CACNA2D3: variants seen among roughly 807,000 people sequenced by gnomAD.
The protein encoded by CACNA2D3 is voltage-dependent calcium channel subunit alpha-2/delta-3.
Under a neutral mutation model 160.6 loss-of-function variants are expected in CACNA2D3, and 60 were observed. That is an observed-to-expected ratio of 0.37 (90% CI 0.30 to 0.46). The LOEUF is 0.46. Ranked by LOEUF, CACNA2D3 falls within the 20% of genes least tolerant of loss-of-function variation. CACNA2D3 has a pLI of 1.00. For missense variants in CACNA2D3, 1,205 were observed against 1,365.0 expected (o/e 0.88, Z 1.85); for synonymous variants, 558 against 492.9 (o/e 1.13, Z -1.75).
chr3:54,183,310 G>A (rs1700817899), intron 2 of CACNA2D3, among the ~76,000 whole-genome samples: 6 of 151,532 alleles, frequency 4.0e-5, no homozygotes, highest in East Asian at 1.9e-4. Flanking sequence ...GGTTGATAGG[G>A]TTTTAGTGTT....
chr3:54,145,267 C>A (rs1432434617), intron 2 of CACNA2D3, among the ~76,000 whole-genome samples: 1 of 152,178 alleles, frequency 6.6e-6, no homozygotes, highest in Non-Finnish European at 1.5e-5. Flanking sequence ...GGGGTCTAAA[C>A]CCCGGAGTAA....
At chr3:54,279,894 A>G (rs1398043557) in intron 2 of CACNA2D3, among the ~76,000 whole-genome samples, 1 of 152,150 alleles carries the variant, frequency 6.6e-6, no homozygotes, top group Non-Finnish European at 1.5e-5. Context: ...TCTAGCCTGC[A>G]GCATCATTTT....
intron 14 of CACNA2D3, among the ~76,000 whole-genome samples, chr3:54,835,830 G>C (rs1698664873): frequency 6.6e-6 from 1 of 152,198 alleles, no homozygotes; most frequent in East Asian, 1.9e-4. Context: ...CTACTTACTA[G>C]CTGTGTGACC....
At chr3:54,124,167 C>T (rs1699541066) in intron 2 of CACNA2D3, among the ~76,000 whole-genome samples, 1 of 152,198 alleles carries the variant, frequency 6.6e-6, no homozygotes, top group South Asian at 2.1e-4. Context: ...GGGTAATAAC[C>T]TATGAGAGTA....
At chr3:54,710,727 A>G (rs928180187) in intron 11 of CACNA2D3, among the ~76,000 whole-genome samples, 5 of 152,212 alleles carry the variant, frequency 3.3e-5, no homozygotes, top group African/African-American at 9.6e-5. Flanking sequence ...CCCTATAGAA[A>G]TGATTTTTAA....
intron 11 of CACNA2D3, among the ~76,000 whole-genome samples, chr3:54,656,238 CAAA>C (rs1699872940): frequency 6.6e-6 from 1 of 152,212 alleles, no homozygotes; most frequent in Non-Finnish European, 1.5e-5. Flanking sequence ...GATTGGTTTT[CAAA>C]GCACTTAATT....
At chr3:54,794,741 G>T (rs1001446653) in intron 13 of CACNA2D3, among the ~76,000 whole-genome samples, 1 of 151,612 alleles carries the variant, frequency 6.6e-6, no homozygotes, top group Non-Finnish European at 1.5e-5. Context: ...CATTTGGCTT[G>T]TATTCTTTTT....
intron 2 of CACNA2D3, among the ~76,000 whole-genome samples, chr3:54,262,034 G>T (rs532701200): frequency 1.3e-5 from 2 of 152,224 alleles, no homozygotes; most frequent in South Asian, 4.1e-4. Context: ...AGGGGTTTTG[G>T]GGGAGGGAGC....
intron 35 of CACNA2D3, among the ~76,000 whole-genome samples, chr3:55,063,772 G>A (rs1222443153): frequency 6.6e-6 from 1 of 152,164 alleles, no homozygotes; most frequent in East Asian, 1.9e-4. Flanking sequence ...GAGGGATGGG[G>A]TGTCAGCCTT....
chr3:54,551,048 A>G (rs753960040), intron 5 of CACNA2D3, among the ~76,000 whole-genome samples: 2 of 152,190 alleles, frequency 1.3e-5, no homozygotes, highest in Non-Finnish European at 2.9e-5. Context: ...ATGGCAAAGG[A>G]GGAATCCACT....
chr3:54,645,981 C>A (rs1041523611), intron 11 of CACNA2D3, among the ~76,000 whole-genome samples: 1 of 151,924 alleles, frequency 6.6e-6, no homozygotes, highest in Admixed American at 6.6e-5. Context: ...ATCTCTTTAC[C>A]TTCTGTGTGG....
chr3:54,664,884 T>C (rs777130186), intron 11 of CACNA2D3, among the ~76,000 whole-genome samples: 10 of 152,200 alleles, frequency 6.6e-5, no homozygotes, highest in Non-Finnish European at 1.0e-4. Flanking sequence ...GGGCTTTAGC[T>C]GGAACCCCTG....
At chr3:54,894,817 T>A (rs1407306207) in intron 25 of CACNA2D3, 1 of 382,066 alleles carries the variant, frequency 2.6e-6, no homozygotes, top group Non-Finnish European at 5.2e-6. Flanking sequence ...ACTTTTAGAT[T>A]AGGAAACATT....
intron 27 of CACNA2D3, among the ~76,000 whole-genome samples, chr3:54,905,478 G>A (rs574517284): frequency 9.2e-5 from 14 of 152,208 alleles, no homozygotes; most frequent in Non-Finnish European, 1.9e-4. Context: ...TATTTGGTAT[G>A]TAGGAGTTAA....
rs1703369336 is a variant in CACNA2D3, at chr3:55,018,186, T to A, written c.2876-20T>A. 13 of 1,532,908 alleles carry A rather than the reference T, an allele frequency of 8.5e-6. No individual in the cohort carries two copies. The highest frequency in any genetic ancestry group is 1.2e-5 in the Non-Finnish European group (13 of 1,108,940). 95.0% of individuals were successfully genotyped at this position (1,532,908 alleles called of 1,614,324 possible). ...TGTGCCTTGCATTCTTTACCTTTTT[T>A]TTTCCCACTATCCCTACAGCCCAGA... On this transcript the variant is annotated intron_variant, in intron 34 of 37. Transcript: ENST00000474759.
chr3:54,870,024 C>T (rs1049530088), intron 17 of CACNA2D3, among the ~76,000 whole-genome samples: 2 of 152,126 alleles, frequency 1.3e-5, no homozygotes, highest in Non-Finnish European at 2.9e-5. Context: ...GTGGTAAGAG[C>T]CCACTGGCCA....
chr3:54,549,265 T>G (rs1438237267), intron 5 of CACNA2D3, among the ~76,000 whole-genome samples: 1 of 151,988 alleles, frequency 6.6e-6, no homozygotes, highest in Admixed American at 6.6e-5. Context: ...GCTAACACGG[T>G]GAAACCCCGT....
chr3:54,736,129 ATG>A (rs1553814627), intron 11 of CACNA2D3, among the ~76,000 whole-genome samples: 4 of 62,848 alleles, frequency 6.4e-5, no homozygotes, highest in African/African-American at 1.2e-4. Flanking sequence ...ACATATATAT[ATG>A]TATATATATA....
At chr3:54,525,512 A>G (rs1283816031) in intron 5 of CACNA2D3, among the ~76,000 whole-genome samples, 1 of 152,170 alleles carries the variant, frequency 6.6e-6, no homozygotes, top group East Asian at 1.9e-4. Context: ...CAGGTCTGCT[A>G]GCACTAAATT....
Sources: allele counts gnomAD v4.1 joint callset (sites outside exome capture counted in the v4.1 genomes callset), GRCh38; gene constraint gnomAD v4.1.1; transcripts MANE v1.5; gene names NCBI Gene and HGNC (gene_info 2026-07-23, HGNC 2026-07-21).